Variants in HS6ST3 observed in about 807,000 individuals in gnomAD.
HS6ST3 encodes heparan sulfate 6-O-sulfotransferase 3, also known as heparan-sulfate 6-O-sulfotransferase 3.
In HS6ST3, 12 loss-of-function variants were observed where a neutral mutation model predicts 36.7. The ratio of observed to expected loss-of-function variants is 0.33; its 90% CI spans 0.21 to 0.53. The LOEUF is 0.53. Ranked by LOEUF, HS6ST3 falls within the 20% of genes least tolerant of loss-of-function variation. The pLI is 0.95. For missense variants in HS6ST3, 584 were observed against 640.9 expected, an observed-to-expected ratio of 0.91 and a Z score of 0.96; for synonymous variants, 240 against 257.5, an observed-to-expected ratio of 0.93 and a Z score of 0.65.
chr13:96,699,119 A>G (rs1363268939), intron 1 of HS6ST3, among the ~76,000 whole-genome samples: 1 of 152,232 alleles, frequency 6.6e-6, no homozygotes, highest in African/African-American at 2.4e-5. Flanking sequence ...TTAAAGACTT[A>G]TATGTTAGAC....
intron 1 of HS6ST3, among the ~76,000 whole-genome samples, chr13:96,237,311 C>A (rs1233479081): frequency 1.3e-5 from 2 of 152,200 alleles, no homozygotes; most frequent in African/African-American, 4.8e-5. Context: ...AATGCATCTA[C>A]ATCATTCTCC....
intron 1 of HS6ST3, among the ~76,000 whole-genome samples, chr13:96,412,795 A>C (rs1314091125): frequency 6.6e-6 from 1 of 150,666 alleles, no homozygotes; most frequent in East Asian, 1.9e-4. Context: ...TTCAATTAAA[A>C]CCCACAAATT....
At chr13:96,719,530 A>G (rs1466132235) in intron 1 of HS6ST3, among the ~76,000 whole-genome samples, 1 of 152,100 alleles carries the variant, frequency 6.6e-6, no homozygotes, top group Non-Finnish European at 1.5e-5. Flanking sequence ...TGAAAGTGCT[A>G]TTTTATTGTA....
At chr13:96,204,615 A>G (rs577462774) in intron 1 of HS6ST3, among the ~76,000 whole-genome samples, 1 of 152,314 alleles carries the variant, frequency 6.6e-6, no homozygotes, top group East Asian at 1.9e-4. Flanking sequence ...CTCCTAAGCA[A>G]ATGCAGAGGA....
chr13:96,615,057 T>C (rs1005753059), intron 1 of HS6ST3, among the ~76,000 whole-genome samples: 3 of 152,192 alleles, frequency 2.0e-5, no homozygotes, highest in Non-Finnish European at 4.4e-5. Flanking sequence ...AAATTTTATA[T>C]AATAACTCAT....
intron 1 of HS6ST3, among the ~76,000 whole-genome samples, chr13:96,417,317 C>G (rs914999302): frequency 1.3e-5 from 2 of 152,124 alleles, no homozygotes; most frequent in African/African-American, 4.8e-5. Flanking sequence ...AGCTTACATT[C>G]TAATGCAACA....
chr13:96,836,727 T>C lies in HS6ST3; in HGVS notation c.*3529T>C, dbSNP rs371238389. Reference sequence around the variant, plus strand: ...GAGATAAGAATAGATCATTAAAAAATAAATATAAATGGATTGGATAGAATT... The same window carrying C: ...GAGATAAGAATAGATCATTAAAAAACAAATATAAATGGATTGGATAGAATT... On this transcript the variant is annotated 3_prime_UTR_variant, in exon 2 of 2. Transcript: ENST00000376705. 5 of 152,264 alleles carry C rather than the reference T, an allele frequency of 3.3e-5. No individual in the cohort carries two copies. In the East Asian group the frequency reaches 7.7e-4, roughly 24 times the overall value. The allele number at this position is 152,264 out of a possible 1,614,324, so 9.4% of individuals were successfully genotyped here.
chr13:96,698,305 T>A (rs999520572), intron 1 of HS6ST3, among the ~76,000 whole-genome samples: 2 of 152,182 alleles, frequency 1.3e-5, no homozygotes, highest in African/African-American at 4.8e-5. Flanking sequence ...GTTTGTTTTT[T>A]TGTCCTTGTG....
chr13:96,272,391 T>G (rs928876039), intron 1 of HS6ST3, among the ~76,000 whole-genome samples: 1 of 152,004 alleles, frequency 6.6e-6, no homozygotes, highest in African/African-American at 2.4e-5. Context: ...CCAATTCTGG[T>G]GCTAGAGCCC....
intron 1 of HS6ST3, among the ~76,000 whole-genome samples, chr13:96,465,522 G>A (rs1167207579): frequency 6.6e-6 from 1 of 152,134 alleles, no homozygotes; most frequent in African/African-American, 2.4e-5. Context: ...TTTACATAAA[G>A]ATACAAAACA....
At chr13:96,746,008 A>T (rs1876552364) in intron 1 of HS6ST3, among the ~76,000 whole-genome samples, 1 of 152,066 alleles carries the variant, frequency 6.6e-6, no homozygotes, top group Non-Finnish European at 1.5e-5. Flanking sequence ...CTAGTTTTAA[A>T]AAAAAGGATA....
At chr13:96,761,866 A>G (rs1216824366) in intron 1 of HS6ST3, among the ~76,000 whole-genome samples, 2 of 152,128 alleles carry the variant, frequency 1.3e-5, no homozygotes, top group East Asian at 3.9e-4. Flanking sequence ...TGAGAGGAAA[A>G]AGATGTACAG....
chr13:96,177,167 T>C (rs1173145350), intron 1 of HS6ST3, among the ~76,000 whole-genome samples: 2 of 152,192 alleles, frequency 1.3e-5, no homozygotes, highest in Non-Finnish European at 2.9e-5. Flanking sequence ...TTTTACAGTG[T>C]TGGTGTGAGT....
chr13:96,752,348 G>A (rs566894310), intron 1 of HS6ST3, among the ~76,000 whole-genome samples: 4 of 152,070 alleles, frequency 2.6e-5, no homozygotes, highest in South Asian at 2.1e-4. Context: ...GCACATTCTC[G>A]GGGTGTGCAC....
At chr13:96,418,190 C>T (rs534324128) in intron 1 of HS6ST3, among the ~76,000 whole-genome samples, 1 of 152,188 alleles carries the variant, frequency 6.6e-6, no homozygotes, top group South Asian at 2.1e-4. Context: ...CTAAATAGAC[C>T]ATGAAAAAAA....
intron 1 of HS6ST3, among the ~76,000 whole-genome samples, chr13:96,760,281 ATCT>A (rs990432520): frequency 1.3e-5 from 2 of 152,028 alleles, no homozygotes; most frequent in African/African-American, 4.8e-5. Context: ...TAGAATTTTT[ATCT>A]TCTTTTGATT....
chr13:96,615,247 G>A (rs2056470167), intron 1 of HS6ST3, among the ~76,000 whole-genome samples: 2 of 152,182 alleles, frequency 1.3e-5, no homozygotes, highest in Admixed American at 1.3e-4. Context: ...TATTGCTTCA[G>A]TTGACTGACC....
At chr13:96,569,363 C>T (rs1404326091) in intron 1 of HS6ST3, among the ~76,000 whole-genome samples, 1 of 152,114 alleles carries the variant, frequency 6.6e-6, no homozygotes, top group Non-Finnish European at 1.5e-5. Flanking sequence ...GGAATTAGGC[C>T]AGCCACCTTG....
chr13:96,809,161 A>G (rs1207040385), intron 1 of HS6ST3, among the ~76,000 whole-genome samples: 2 of 152,198 alleles, frequency 1.3e-5, no homozygotes, highest in African/African-American at 4.8e-5. Context: ...ATCATGTTTG[A>G]GTTATGGTTC....
Sources: allele counts gnomAD v4.1 joint callset (sites outside exome capture counted in the v4.1 genomes callset), GRCh38; gene constraint gnomAD v4.1.1; transcripts MANE v1.5; gene names NCBI Gene and HGNC (gene_info 2026-07-23, HGNC 2026-07-21).